HDAC9: variants seen among roughly 807,000 people sequenced by gnomAD.
HDAC9 encodes MEF-2 interacting transcription repressor (MITR) protein.
In HDAC9, 41 loss-of-function variants were observed where a neutral mutation model predicts 139.4. That is an observed-to-expected ratio of 0.29 (90% CI 0.23 to 0.38). HDAC9 has a LOEUF of 0.38. HDAC9 is among the 10% of genes least tolerant of loss of function. The pLI, the probability that HDAC9 is intolerant of heterozygous loss-of-function variation, is 1.00. For missense variants in HDAC9, 1,147 were observed against 1,297.0 expected (o/e 0.88, Z 1.78); for synonymous variants, 517 against 476.2 (o/e 1.09, Z -1.12).
chr7:18,385,985 CTT>C (rs1351517081), intron 1 of HDAC9, among the ~76,000 whole-genome samples: 2 of 151,540 alleles, frequency 1.3e-5, no homozygotes, highest in Non-Finnish European at 2.9e-5. Context: ...TTAACGCACT[CTT>C]TGTTTCTGCA....
At chr7:18,304,873 A>G (rs746035388) in intron 1 of HDAC9, among the ~76,000 whole-genome samples, 2 of 152,174 alleles carry the variant, frequency 1.3e-5, no homozygotes, top group African/African-American at 2.4e-5. Flanking sequence ...AAAATGATCC[A>G]TGCTGCCCTG....
At chr7:18,644,290 T>C (rs1786655312) in intron 8 of HDAC9, among the ~76,000 whole-genome samples, 1 of 151,948 alleles carries the variant, frequency 6.6e-6, no homozygotes, top group Non-Finnish European at 1.5e-5. Context: ...GTGAAGATAA[T>C]GACTGTGGTG....
At chr7:18,846,785 C>T (rs1055597068) in intron 21 of HDAC9, among the ~76,000 whole-genome samples, 1 of 152,128 alleles carries the variant, frequency 6.6e-6, no homozygotes, top group African/African-American at 2.4e-5. Context: ...AGCAGGTCCT[C>T]GGGCCATTGG....
intron 2 of HDAC9, among the ~76,000 whole-genome samples, chr7:18,192,981 G>T (rs1487310022): frequency 6.6e-6 from 1 of 152,070 alleles, no homozygotes; most frequent in Non-Finnish European, 1.5e-5. Flanking sequence ...TATTTGAGTG[G>T]GTCTCCTTGA....
At chr7:18,595,280 T>C (rs3814991) in intron 6 of HDAC9, among the ~76,000 whole-genome samples, 15,441 of 152,100 alleles carry the variant, frequency 0.1, 1,082 homozygotes, top group East Asian at 0.33. Flanking sequence ...TAGAAGGCTA[T>C]GCAAAGGCAA....
intron 1 of HDAC9, among the ~76,000 whole-genome samples, chr7:18,159,650 TAGG>T (rs1328448091): frequency 6.6e-6 from 1 of 152,196 alleles, no homozygotes; most frequent in Non-Finnish European, 1.5e-5. Context: ...TGAAACATTT[TAGG>T]AGAACTCCTT....
intron 1 of HDAC9, among the ~76,000 whole-genome samples, chr7:18,410,242 G>C (rs982237811): frequency 1.3e-5 from 2 of 152,196 alleles, no homozygotes; most frequent in Non-Finnish European, 2.9e-5. Context: ...GGAGCAGCAA[G>C]GGAGGTGGGA....
rs1283778045 is a variant in HDAC9 at position 18,846,872 on chromosome 7, T to A, written c.2684+10875T>A. On this transcript the variant is annotated intron_variant, in intron 21 of 25. Coordinates refer to ENST00000686413, the MANE Select transcript of HDAC9 (RefSeq NM_178425.4). ...GCCAGCCTTAGGGTCAGGCCTGAGA[T>A]GAAACAGATAAGATAATTGGCTCTA... Among the ~76,000 whole-genome samples, 4 of 152,164 alleles carry A rather than the reference T, an allele frequency of 2.6e-5. No homozygotes were observed. In the East Asian group the frequency reaches 7.7e-4, roughly 29 times the overall value.
intron 2 of HDAC9, among the ~76,000 whole-genome samples, chr7:18,529,192 A>C (rs908621929): frequency 5.3e-5 from 8 of 152,074 alleles, no homozygotes; most frequent in African/African-American, 1.9e-4. Flanking sequence ...AAGAAAAAAA[A>C]AATCTTTTGA....
intron 2 of HDAC9, among the ~76,000 whole-genome samples, chr7:18,563,151 G>T (rs1821132691): frequency 6.6e-6 from 1 of 151,920 alleles, no homozygotes; most frequent in Non-Finnish European, 1.5e-5. Flanking sequence ...TCCCATTTTT[G>T]CTCTCAAATG....
chr7:18,194,623 A>G (rs1022573665), intron 2 of HDAC9, among the ~76,000 whole-genome samples: 1 of 152,176 alleles, frequency 6.6e-6, no homozygotes, highest in Non-Finnish European at 1.5e-5. Flanking sequence ...TTCTTGAATC[A>G]TCTAATCCCC....
At chr7:18,394,399 A>G (rs1191502667) in intron 1 of HDAC9, among the ~76,000 whole-genome samples, 1 of 152,178 alleles carries the variant, frequency 6.6e-6, no homozygotes, top group East Asian at 1.9e-4. Context: ...ATTTTCCTAC[A>G]ATGCCATAAA....
chr7:18,145,532 T>A (rs1786248556), intron 1 of HDAC9, among the ~76,000 whole-genome samples: 1 of 152,132 alleles, frequency 6.6e-6, no homozygotes, highest in Non-Finnish European at 1.5e-5. Context: ...CTTATTTGAA[T>A]GAATAGAGGA....
intron 22 of HDAC9, among the ~76,000 whole-genome samples, chr7:18,924,211 T>C (rs1200419354): frequency 1.3e-5 from 2 of 152,100 alleles, no homozygotes; most frequent in African/African-American, 2.4e-5. Flanking sequence ...TGTTATCCTT[T>C]CTTTTGCAAA....
At chr7:18,328,054 T>C (rs1409918025) in intron 1 of HDAC9, among the ~76,000 whole-genome samples, 2 of 152,012 alleles carry the variant, frequency 1.3e-5, no homozygotes, top group Admixed American at 1.3e-4. Flanking sequence ...AAATGAAGTA[T>C]GGCTGAGAAA....
chr7:18,821,341 G>A (rs1383066838), intron 17 of HDAC9, among the ~76,000 whole-genome samples: 1 of 152,150 alleles, frequency 6.6e-6, no homozygotes, highest in African/African-American at 2.4e-5. Context: ...GCTTAGGAAT[G>A]GTTTCTCTGG....
intron 13 of HDAC9, among the ~76,000 whole-genome samples, chr7:18,739,200 T>C (rs771452987): frequency 6.6e-6 from 1 of 152,200 alleles, no homozygotes; most frequent in Non-Finnish European, 1.5e-5. Context: ...TTGAGATGGG[T>C]TCGAACAAGC....
At chr7:18,812,436 ATAT>A (rs1016901701) in intron 17 of HDAC9, among the ~76,000 whole-genome samples, 1 of 151,988 alleles carries the variant, frequency 6.6e-6, no homozygotes, top group Non-Finnish European at 1.5e-5. Context: ...TCTTTGGTTA[ATAT>A]TATCATTTGA....
At chr7:18,123,005 A>G (rs1418546111) in intron 1 of HDAC9, among the ~76,000 whole-genome samples, 2 of 152,208 alleles carry the variant, frequency 1.3e-5, no homozygotes, top group Non-Finnish European at 2.9e-5. Context: ...ACTGCTTTAA[A>G]TATTTCCCAA....
Sources: gnomAD v4.1 joint callset for allele counts (sites outside exome capture counted in the v4.1 genomes callset) on GRCh38, gnomAD v4.1.1 for gene constraint, MANE v1.5 for transcripts, NCBI Gene and HGNC (gene_info 2026-07-23, HGNC 2026-07-21) for gene names.